Variants in CORIN observed in about 807,000 individuals in gnomAD.
CORIN encodes the protein atrial natriuretic peptide-converting enzyme.
In CORIN, 117 loss-of-function variants were observed where a neutral mutation model predicts 125.3. That is an observed-to-expected ratio of 0.93 (90% CI 0.80 to 1.09). The LOEUF (loss-of-function observed/expected upper bound fraction) is 1.09, where lower values mean the gene tolerates loss of function less well. CORIN is among the 50% of genes least tolerant of loss of function. The pLI is 0.00. For synonymous variants in CORIN, 450 were observed against 466.4 expected (o/e 0.96, Z 0.45); for missense variants, 1,253 against 1,306.7 (o/e 0.96, Z 0.63).
At chr4:47,684,801 C>G (rs1413521026) in intron 6 of CORIN, among the ~76,000 whole-genome samples, 1 of 151,790 alleles carries the variant, frequency 6.6e-6, no homozygotes, top group Non-Finnish European at 1.5e-5. Flanking sequence ...AAAAAGAATT[C>G]AATTATAAAT....
chr4:47,643,949 G>A (rs187612599), intron 14 of CORIN, among the ~76,000 whole-genome samples: 1 of 152,280 alleles, frequency 6.6e-6, no homozygotes, highest in African/African-American at 2.4e-5. Flanking sequence ...TCCGATATCA[G>A]GGCCTTGACC....
At chr4:47,608,251 C>A (rs1189980445) in intron 19 of CORIN, among the ~76,000 whole-genome samples, 2 of 151,782 alleles carry the variant, frequency 1.3e-5, no homozygotes, top group African/African-American at 2.4e-5. Context: ...AACCTGGGAG[C>A]TGGAGGCTGC....
intron 5 of CORIN, among the ~76,000 whole-genome samples, chr4:47,696,441 T>C (rs1682676062): frequency 6.6e-6 from 1 of 152,142 alleles, no homozygotes; most frequent in Non-Finnish European, 1.5e-5. Context: ...TTCTAGCCTC[T>C]GGTAATATAG....
At chr4:47,709,316 C>A (rs979764598) in intron 5 of CORIN, among the ~76,000 whole-genome samples, 2 of 151,852 alleles carry the variant, frequency 1.3e-5, no homozygotes, top group Admixed American at 6.6e-5. Context: ...TATTTAGACA[C>A]AAGGTCTCCC....
At chr4:47,829,700 G>C (rs912781557) in intron 1 of CORIN, among the ~76,000 whole-genome samples, 3 of 152,194 alleles carry the variant, frequency 2.0e-5, no homozygotes, top group Admixed American at 6.5e-5. Flanking sequence ...AGTTGCAGCA[G>C]TGGTGTCAGG....
intron 13 of CORIN, among the ~76,000 whole-genome samples, chr4:47,650,129 A>C (rs999625108): frequency 6.6e-6 from 1 of 152,222 alleles, no homozygotes; most frequent in Non-Finnish European, 1.5e-5. Flanking sequence ...TTCTGACTTG[A>C]AGAAATGGCT....
intron 19 of CORIN, among the ~76,000 whole-genome samples, chr4:47,612,614 C>A (rs1336674499): frequency 6.6e-6 from 1 of 152,142 alleles, no homozygotes; most frequent in Non-Finnish European, 1.5e-5. Context: ...AGGAGATGAG[C>A]AACTCATCTA....
intron 2 of CORIN, among the ~76,000 whole-genome samples, chr4:47,802,876 G>A (rs1375855831): frequency 6.6e-6 from 1 of 152,156 alleles, no homozygotes; most frequent in African/African-American, 2.4e-5. Flanking sequence ...TGGGGATGTT[G>A]TGTTCCTGCC....
At chr4:47,827,014 A>G (rs1489652467) in intron 1 of CORIN, among the ~76,000 whole-genome samples, 1 of 152,244 alleles carries the variant, frequency 6.6e-6, no homozygotes, top group Non-Finnish European at 1.5e-5. Flanking sequence ...TAAATAAGCT[A>G]TCTTATTAAG....
At chr4:47,721,555 C>A (rs1727351980) in intron 5 of CORIN, among the ~76,000 whole-genome samples, 1 of 152,346 alleles carries the variant, frequency 6.6e-6, no homozygotes, top group Admixed American at 6.5e-5. Context: ...AGGCGTGAGC[C>A]ACTGCACCCA....
chr4:47,801,409 C>A (rs1731534495), intron 2 of CORIN, among the ~76,000 whole-genome samples: 1 of 152,194 alleles, frequency 6.6e-6, no homozygotes, highest in Admixed American at 6.5e-5. Context: ...TGGTCCCCCA[C>A]CCCAAAGGAA....
intron 1 of CORIN, among the ~76,000 whole-genome samples, chr4:47,817,877 T>C (rs1560563312): frequency 6.6e-6 from 1 of 152,228 alleles, no homozygotes; most frequent in Non-Finnish European, 1.5e-5. Context: ...ACCCGGTCTC[T>C]AGATTTCATA....
At chr4:47,657,975 T>C (rs1724070797) in intron 12 of CORIN, among the ~76,000 whole-genome samples, 1 of 152,050 alleles carries the variant, frequency 6.6e-6, no homozygotes, top group African/African-American at 2.4e-5. Flanking sequence ...ATACAATATC[T>C]CTTCTCAGTT....
At chr4:47,661,918 A>G in intron 11 of CORIN, 62 bp from the exon 12 acceptor site, 2 of 1,474,582 alleles carry the variant, frequency 1.4e-6, no homozygotes, top group Non-Finnish European at 1.8e-6. Context: ...GACAGATGTC[A>G]TAAATTTATG....
intron 1 of CORIN, among the ~76,000 whole-genome samples, chr4:47,836,350 TTG>T (rs1412905890): frequency 6.6e-6 from 1 of 152,206 alleles, no homozygotes; most frequent in African/African-American, 2.4e-5. Context: ...TATAAATGCA[TTG>T]TTTCTTCTCA....
intron 21 of CORIN, among the ~76,000 whole-genome samples, chr4:47,597,824 G>A (rs1236667254): frequency 6.6e-6 from 1 of 152,220 alleles, no homozygotes; most frequent in East Asian, 1.9e-4. Context: ...TTCTGTGCTA[G>A]TGTATAAACA....
intron 3 of CORIN, among the ~76,000 whole-genome samples, chr4:47,770,112 G>A (rs764408799): frequency 4.6e-5 from 7 of 152,090 alleles, no homozygotes; most frequent in Non-Finnish European, 8.8e-5. Context: ...CCATACACCT[G>A]ATAAGGGGTT....
intron 13 of CORIN, among the ~76,000 whole-genome samples, chr4:47,646,441 C>A (rs1250206041): frequency 6.6e-6 from 1 of 152,186 alleles, no homozygotes; most frequent in Non-Finnish European, 1.5e-5. Flanking sequence ...ATAACTTGAA[C>A]TGTAATTTGC....
chr4:47,694,353 G>A (rs956931580), intron 5 of CORIN, among the ~76,000 whole-genome samples: 3 of 151,938 alleles, frequency 2.0e-5, no homozygotes, highest in Non-Finnish European at 4.4e-5. Flanking sequence ...TATCTTTTTA[G>A]CTGGGAAAAA....
Sources: gnomAD v4.1 joint callset for allele counts (sites outside exome capture counted in the v4.1 genomes callset) on GRCh38, gnomAD v4.1.1 for gene constraint, MANE v1.5 for transcripts, NCBI Gene and HGNC (gene_info 2026-07-23, HGNC 2026-07-21) for gene names.